KCNIP1: variants seen among roughly 807,000 people sequenced by gnomAD.
KCNIP1 encodes A-type potassium channel modulatory protein KCNIP1.
A neutral mutation model predicts 33.0 loss-of-function variants in KCNIP1; 18 were observed. The observed-to-expected ratio is 0.55, with a 90% CI of 0.38 to 0.81. The LOEUF (loss-of-function observed/expected upper bound fraction) is 0.81. Ranked by LOEUF, KCNIP1 falls within the 30% of genes least tolerant of loss-of-function variation. KCNIP1 has a pLI of 0.00. For synonymous variants in KCNIP1, 93 were observed against 98.3 expected, an observed-to-expected ratio of 0.95 and a Z score of 0.32; for missense variants, 238 against 271.6, an observed-to-expected ratio of 0.88 and a Z score of 0.87.
chr5:170,654,056 C>A (rs534250340), intron 1 of KCNIP1, among the ~76,000 whole-genome samples: 2 of 152,242 alleles, frequency 1.3e-5, no homozygotes, highest in South Asian at 4.1e-4. Flanking sequence ...CACCAGTGCC[C>A]AAGTCTGTCA....
intron 1 of KCNIP1, among the ~76,000 whole-genome samples, chr5:170,677,724 C>T (rs780979229): frequency 6.6e-6 from 1 of 152,022 alleles, no homozygotes; most frequent in Non-Finnish European, 1.5e-5. Context: ...GCCAGCTAAT[C>T]CCCCCACAAC....
chr5:170,633,499 A>G (rs1050701992), intron 1 of KCNIP1, among the ~76,000 whole-genome samples: 5 of 149,848 alleles, frequency 3.3e-5, no homozygotes, highest in Non-Finnish European at 7.4e-5. Context: ...GCAGAGGCCT[A>G]TGGCAGACCC....
intron 1 of KCNIP1, among the ~76,000 whole-genome samples, chr5:170,445,042 T>A (rs959017797): frequency 6.6e-6 from 1 of 152,224 alleles, no homozygotes. Context: ...ATTTTTTCAA[T>A]TCAGCAAGTA....
intron 7 of KCNIP1, among the ~76,000 whole-genome samples, chr5:170,734,918 C>T (rs1271389034): frequency 6.6e-6 from 1 of 152,190 alleles, no homozygotes; most frequent in Non-Finnish European, 1.5e-5. Flanking sequence ...CAGCCTGGCA[C>T]CTTCCCCACC....
intron 1 of KCNIP1, among the ~76,000 whole-genome samples, chr5:170,367,426 GAAA>G (rs1714045879): frequency 2.8e-5 from 4 of 145,384 alleles, no homozygotes; most frequent in South Asian, 4.4e-4. Context: ...AGAAAGGAAA[GAAA>G]GAAAGAAAGG....
chr5:170,449,829 A>G (rs901882474), intron 1 of KCNIP1, among the ~76,000 whole-genome samples: 1 of 152,212 alleles, frequency 6.6e-6, no homozygotes, highest in African/African-American at 2.4e-5. Context: ...TTTGATAACT[A>G]GAAGCAGTCA....
chr5:170,538,621 C>T lies in KCNIP1; in HGVS notation c.61+33988C>T, dbSNP rs993001164. Among the ~76,000 whole-genome samples, 6 of 151,794 alleles carry T rather than the reference C, an allele frequency of 4.0e-5. No individual in the cohort carries two copies. In the East Asian group the frequency reaches 6.0e-4, roughly 15 times the overall value. ...GTCCTTATTCCAGACTCCTCCCTTG[C>T]ACCAGCTGTGTCCTTGGCCTGGGGA... On this transcript the variant is annotated intron_variant, in intron 1 of 7. Transcript: ENST00000328939.
intron 1 of KCNIP1, among the ~76,000 whole-genome samples, chr5:170,682,795 T>C (rs143031097): frequency 1.5e-5 from 2 of 129,428 alleles, no homozygotes; most frequent in Non-Finnish European, 3.4e-5. Context: ...TTTTTTTTTT[T>C]TTTTTTTTTT....
At chr5:170,502,380 C>T (rs1178889883), upstream of KCNIP1, among the ~76,000 whole-genome samples, 1 of 152,190 alleles carries the variant, frequency 6.6e-6, no homozygotes, top group Non-Finnish European at 1.5e-5. Context: ...CTACCTGTGG[C>T]CCTGAGGGGA....
At chr5:170,521,146 G>A (rs1755349869) in intron 1 of KCNIP1, among the ~76,000 whole-genome samples, 1 of 152,160 alleles carries the variant, frequency 6.6e-6, no homozygotes, top group South Asian at 2.1e-4. Flanking sequence ...GCACAAGCAT[G>A]ACACTGCCTG....
intron 5 of KCNIP1, among the ~76,000 whole-genome samples, chr5:170,726,539 A>G (rs1422426626): frequency 6.6e-6 from 1 of 152,156 alleles, no homozygotes; most frequent in Non-Finnish European, 1.5e-5. Flanking sequence ...TGTAAATGGT[A>G]CAAACACGTT....
At chr5:170,541,779 G>A (rs913674666) in intron 1 of KCNIP1, among the ~76,000 whole-genome samples, 31 of 152,164 alleles carry the variant, frequency 2.0e-4, no homozygotes, top group Admixed American at 3.9e-4. Flanking sequence ...GCTGAAGCTT[G>A]GCAAGCCTCT....
intron 1 of KCNIP1, among the ~76,000 whole-genome samples, chr5:170,518,322 T>TC (rs1755225200): frequency 1.3e-5 from 2 of 152,144 alleles, no homozygotes; most frequent in African/African-American, 2.4e-5. Flanking sequence ...GAACTTGAAT[T>TC]CCCCCAGGTG....
intron 1 of KCNIP1, among the ~76,000 whole-genome samples, chr5:170,488,767 C>G (rs1452372284): frequency 6.6e-6 from 1 of 152,210 alleles, no homozygotes; most frequent in African/African-American, 2.4e-5. Context: ...CCAGATGGAA[C>G]AGAGCCCGGG....
chr5:170,697,995 G>T (rs62392772), intron 1 of KCNIP1, among the ~76,000 whole-genome samples: 19 of 152,224 alleles, frequency 1.2e-4, no homozygotes, highest in South Asian at 4.2e-4. Context: ...CAAGCAGAAG[G>T]TCTTCCTAAT....
intron 1 of KCNIP1, among the ~76,000 whole-genome samples, chr5:170,356,266 T>G (rs1049890652): frequency 6.6e-6 from 1 of 152,222 alleles, no homozygotes; most frequent in Non-Finnish European, 1.5e-5. Flanking sequence ...AATCCAACCC[T>G]CAGGAGAGGG....
intron 1 of KCNIP1, among the ~76,000 whole-genome samples, chr5:170,611,473 T>C (rs1354114533): frequency 6.6e-6 from 1 of 152,196 alleles, no homozygotes; most frequent in Non-Finnish European, 1.5e-5. Context: ...TTAGGGTTAA[T>C]TGATTAGAGC....
At chr5:170,516,354 G>T (rs187053091) in intron 1 of KCNIP1, among the ~76,000 whole-genome samples, 1 of 152,104 alleles carries the variant, frequency 6.6e-6, no homozygotes, top group Non-Finnish European at 1.5e-5. Context: ...CTGTAAACAC[G>T]CTTGACTCTC....
intron 1 of KCNIP1, among the ~76,000 whole-genome samples, chr5:170,596,773 A>G (rs1758454473): frequency 6.6e-6 from 1 of 152,208 alleles, no homozygotes; most frequent in Non-Finnish European, 1.5e-5. Context: ...TCAGGGCTAA[A>G]ATGCATACAG....
Sources: allele counts gnomAD v4.1 joint callset (sites outside exome capture counted in the v4.1 genomes callset), GRCh38; gene constraint gnomAD v4.1.1; transcripts MANE v1.5; gene names NCBI Gene and HGNC (gene_info 2026-07-23, HGNC 2026-07-21).